RERG: variants seen among roughly 807,000 people sequenced by gnomAD.
RERG encodes the protein RAS like estrogen regulated growth inhibitor.
In RERG, 25 loss-of-function variants were observed where a neutral mutation model predicts 23.2. That is an observed-to-expected ratio of 1.08 (90% CI 0.79 to 1.50). RERG has a LOEUF of 1.50. RERG is among the 40% of genes most tolerant of loss of function. The pLI is 0.00. For missense variants in RERG, 253 were observed against 250.1 expected (o/e 1.01, Z -0.08); for synonymous variants, 81 against 89.1 (o/e 0.91, Z 0.51).
At chr12:15,183,930 C>T (rs1021029619) in intron 2 of RERG, among the ~76,000 whole-genome samples, 1 of 152,136 alleles carries the variant, frequency 6.6e-6, no homozygotes, top group Admixed American at 6.6e-5. Context: ...TATAAACAAA[C>T]ACTTAATATC....
chr12:15,193,009 A>G (rs1250320899), intron 2 of RERG, among the ~76,000 whole-genome samples: 3 of 152,056 alleles, frequency 2.0e-5, no homozygotes, highest in Non-Finnish European at 4.4e-5. Flanking sequence ...CCATAAAGTT[A>G]CCACTTTTCT....
At chr12:15,163,340 T>C (rs2136115489) in intron 2 of RERG, among the ~76,000 whole-genome samples, 2 of 152,322 alleles carry the variant, frequency 1.3e-5, no homozygotes, top group African/African-American at 4.8e-5. Context: ...ATTTCAAACG[T>C]TGCCCTTGTT....
intron 2 of RERG, among the ~76,000 whole-genome samples, chr12:15,185,585 G>A (rs1864979150): frequency 1.3e-5 from 2 of 152,084 alleles, no homozygotes; most frequent in Non-Finnish European, 2.9e-5. Context: ...GGTATTTTAA[G>A]GGAAAATTCT....
chr12:15,148,768 A>G (rs1172574984), intron 2 of RERG, among the ~76,000 whole-genome samples: 1 of 149,062 alleles, frequency 6.7e-6, no homozygotes, highest in African/African-American at 2.5e-5. Context: ...TCTATTTAGC[A>G]CTGAAATTTT....
intron 2 of RERG, among the ~76,000 whole-genome samples, chr12:15,124,521 A>C (rs1336416470): frequency 6.6e-6 from 1 of 152,058 alleles, no homozygotes; most frequent in Non-Finnish European, 1.5e-5. Context: ...ATATGTCATT[A>C]CTTTTCTTTA....
chr12:15,149,159 G>A (rs560345384), intron 2 of RERG, among the ~76,000 whole-genome samples: 45 of 151,866 alleles, frequency 3.0e-4, no homozygotes, highest in Non-Finnish European at 5.0e-4. Context: ...GTGAGCCACC[G>A]CGCCCAGCCT....
chr12:15,208,278 G>C lies in RERG; in HGVS notation c.61+9151C>G, dbSNP rs1865320149. ...TGTGTGTGTGTGTATTCTATTGGTTGTATTTCCCTGGGGAACCCTGACTAA... is the reference window on the plus strand; with the variant it reads ...TGTGTGTGTGTGTATTCTATTGGTTCTATTTCCCTGGGGAACCCTGACTAA... On this transcript the variant is annotated intron_variant, in intron 2 of 4. Coordinates refer to ENST00000256953, the MANE Select transcript of RERG (RefSeq NM_032918.3). Among the ~76,000 whole-genome samples, 3 of 152,222 alleles carry C rather than the reference G, an allele frequency of 2.0e-5. No homozygotes were observed. The South Asian group carries it at 6.2e-4, about 32-fold the overall frequency.
chr12:15,179,817 T>C (rs2136128093), intron 2 of RERG, among the ~76,000 whole-genome samples: 1 of 152,242 alleles, frequency 6.6e-6, no homozygotes, highest in Middle Eastern at 3.4e-3. Context: ...CAGCTCTAGT[T>C]ATAGTCATTC....
intron 1 of RERG, among the ~76,000 whole-genome samples, chr12:15,219,462 T>G (rs1385242915): frequency 1.3e-5 from 2 of 152,214 alleles, no homozygotes; most frequent in Non-Finnish European, 2.9e-5. Context: ...AATGACAAAG[T>G]GTCTAAGTAA....
chr12:15,137,876 A>G (rs751491821), intron 2 of RERG: 1 of 449,146 alleles, frequency 2.2e-6, no homozygotes. Context: ...CTTTAAGTAC[A>G]ATCCAGTTTC....
intron 2 of RERG, among the ~76,000 whole-genome samples, chr12:15,165,045 A>T (rs561462570): frequency 6.6e-6 from 1 of 152,336 alleles, no homozygotes; most frequent in Admixed American, 6.5e-5. Context: ...GAGCTAAATG[A>T]AGAGTAGGAA....
intron 2 of RERG, among the ~76,000 whole-genome samples, chr12:15,168,713 C>T (rs1408832346): frequency 1.3e-5 from 2 of 152,180 alleles, no homozygotes; most frequent in Admixed American, 1.3e-4. Context: ...ATGACAGCCC[C>T]ATATCAACTC....
In RERG at chr12:15,121,082, C is replaced by G; in HGVS notation, c.99G>C (p.Trp33Cys). The G allele has an allele frequency of 6.2e-7, 1 of 1,613,178 alleles. No homozygotes were observed. The highest frequency in any genetic ancestry group is 1.1e-5 in the South Asian group (1 of 90,958). The change falls in exon 3 of 5, where the codon TGG becomes TGC. Residue 33 changes from tryptophan to cysteine, a missense_variant. Physicochemically the swap from Trp to Cys is radical, Grantham distance 215 (BLOSUM62 -2). Transcript: ENST00000256953. ...VVRFLTKRFI[W>C]EYDPTLESTY... is the part of the protein sequence containing the mutation. ...ACCTACCGAGGGTGGGATCATATTCCCAGATGAACCGTTTGGTCAGAAATC... is the reference window on the plus strand; with the variant it reads ...ACCTACCGAGGGTGGGATCATATTCGCAGATGAACCGTTTGGTCAGAAATC...
chr12:15,167,219 T>A lies in RERG; in HGVS notation c.62-46100A>T, dbSNP rs1415025395. ...TCCCAGACACTAGACTTGGCCTGGG[T>A]TGAATGTGACTATCTGCTGGGTTGC... On this transcript the variant is annotated intron_variant, in intron 2 of 4. Transcript: ENST00000256953. Among the ~76,000 whole-genome samples, 8 of 152,238 alleles carry A rather than the reference T, an allele frequency of 5.3e-5. No homozygotes were observed. The East Asian group carries it at 1.5e-3, about 29-fold the overall frequency.
Position 15,118,329 on chromosome 12 carries a change from T to C in RERG, c.118+2734A>G, listed in dbSNP as rs146877305. ...ATTCTAATTGAGTTAATATGTAGAATGATGTTCATAGTCTTCAGCTTCTCG... is the reference window on the plus strand; with the variant it reads ...ATTCTAATTGAGTTAATATGTAGAACGATGTTCATAGTCTTCAGCTTCTCG... On this transcript the variant is annotated intron_variant, in intron 3 of 4. Coordinates refer to ENST00000256953, the MANE Select transcript of RERG (RefSeq NM_032918.3). Among the ~76,000 whole-genome samples, 857 of 152,310 alleles carry C rather than the reference T, an allele frequency of 5.6e-3. 6 individuals are homozygous for C. The highest frequency in any genetic ancestry group is 0.02 in the African/African-American group (821 of 41,578).
intron 2 of RERG, among the ~76,000 whole-genome samples, chr12:15,149,237 C>T (rs1370023892): frequency 6.6e-6 from 1 of 152,120 alleles, no homozygotes; most frequent in Non-Finnish European, 1.5e-5. Context: ...TGTTTATTTG[C>T]TTATTTGTTC....
chr12:15,117,404 C>A (rs1023694222), intron 3 of RERG, among the ~76,000 whole-genome samples: 1 of 152,148 alleles, frequency 6.6e-6, no homozygotes, highest in Non-Finnish European at 1.5e-5. Flanking sequence ...TGGCTAAGCA[C>A]TTCTGCTTTA....
At position 15,181,890 on chromosome 12, in the gene RERG, C is replaced by G. The variant is rs994250489; in HGVS notation, c.61+35539G>C. ...GGTGTGGCTGCAGGGCTTCGCTATTCATAGAGCAAACTCTGGGAGAATGTC... is the reference window on the plus strand; with the variant it reads ...GGTGTGGCTGCAGGGCTTCGCTATTGATAGAGCAAACTCTGGGAGAATGTC... On this transcript the variant is annotated intron_variant, in intron 2 of 4. Transcript: ENST00000256953. 2.6e-5 allele frequency among the ~76,000 whole-genome samples: 4 copies of G among 152,226 alleles called. No individual in the cohort carries two copies. The East Asian group carries it at 7.7e-4, about 29-fold the overall frequency.
intron 2 of RERG, among the ~76,000 whole-genome samples, chr12:15,207,203 G>A (rs1305277160): frequency 6.6e-6 from 1 of 151,952 alleles, no homozygotes; most frequent in Non-Finnish European, 1.5e-5. Flanking sequence ...GTGCCACAAG[G>A]GTCCATTAGT....
Sources: allele counts gnomAD v4.1 joint callset (sites outside exome capture counted in the v4.1 genomes callset), GRCh38; gene constraint gnomAD v4.1.1; transcripts MANE v1.5; gene names NCBI Gene and HGNC (gene_info 2026-07-23, HGNC 2026-07-21).